Variants in POU6F2 observed in about 807,000 individuals in gnomAD.
POU6F2 encodes POU domain, class 6, transcription factor 2.
Under a neutral mutation model 71.3 loss-of-function variants are expected in POU6F2, and 31 were observed. That is an observed-to-expected ratio of 0.43 (90% CI 0.33 to 0.59). The LOEUF (loss-of-function observed/expected upper bound fraction) is 0.59, where lower values mean the gene tolerates loss of function less well. POU6F2 is among the 20% of genes least tolerant of loss of function. The probability of loss-of-function intolerance (pLI) is 0.04; values close to 1 mark genes in which losing one functional copy is unlikely to be tolerated. For missense variants in POU6F2, 783 were observed against 856.8 expected (o/e 0.91, Z 1.07); for synonymous variants, 347 against 355.7 (o/e 0.98, Z 0.27).
intron 1 of POU6F2, among the ~76,000 whole-genome samples, chr7:39,045,242 G>A (rs527645442): frequency 1.3e-5 from 2 of 152,074 alleles, no homozygotes; most frequent in South Asian, 4.1e-4. Context: ...CAGCACCTTA[G>A]TCAGCTTCAG....
intron 2 of POU6F2, among the ~76,000 whole-genome samples, chr7:39,105,488 T>C (rs1437394470): frequency 6.6e-6 from 1 of 152,048 alleles, no homozygotes; most frequent in Middle Eastern, 3.2e-3. Flanking sequence ...GTGTCTTGAA[T>C]TCTTGTAGAA....
chr7:39,276,532 C>G (rs1349180646), intron 4 of POU6F2, among the ~76,000 whole-genome samples: 1 of 151,064 alleles, frequency 6.6e-6, no homozygotes, highest in Non-Finnish European at 1.5e-5. Context: ...TACCATTTGA[C>G]CCAGCCATCC....
chr7:39,075,189 G>C (rs1049202008), intron 1 of POU6F2, among the ~76,000 whole-genome samples: 2 of 152,098 alleles, frequency 1.3e-5, no homozygotes, highest in Admixed American at 1.3e-4. Context: ...ACAGAAAATT[G>C]TCTTAGCAAT....
intron 2 of POU6F2, among the ~76,000 whole-genome samples, chr7:39,088,405 A>C (rs1791299788): frequency 6.6e-6 from 1 of 152,168 alleles, no homozygotes. Flanking sequence ...CTGTCCCAGA[A>C]TTTTTAGCAA....
chr7:39,173,431 G>A (rs1793265777), intron 2 of POU6F2, among the ~76,000 whole-genome samples: 1 of 152,212 alleles, frequency 6.6e-6, no homozygotes, highest in African/African-American at 2.4e-5. Context: ...ATTGGGTAGA[G>A]TTGCTGTAGA....
intron 4 of POU6F2, among the ~76,000 whole-genome samples, chr7:39,313,653 C>T (rs1785208033): frequency 1.3e-5 from 2 of 152,072 alleles, no homozygotes; most frequent in Admixed American, 1.3e-4. Context: ...AGGGTAATAG[C>T]AGTTAAACGG....
At chr7:39,223,592 A>G (rs1041044957) in intron 4 of POU6F2, among the ~76,000 whole-genome samples, 1 of 152,180 alleles carries the variant, frequency 6.6e-6, no homozygotes, top group Non-Finnish European at 1.5e-5. Flanking sequence ...CAGAGGACCT[A>G]AACAATCATC....
intron 2 of POU6F2, among the ~76,000 whole-genome samples, chr7:39,127,500 C>G (rs1792164218): frequency 6.6e-6 from 1 of 152,138 alleles, no homozygotes; most frequent in Non-Finnish European, 1.5e-5. Context: ...TACCAATGAG[C>G]TGACATCCTA....
At chr7:39,266,385 G>A (rs1222577403) in intron 4 of POU6F2, among the ~76,000 whole-genome samples, 1 of 152,158 alleles carries the variant, frequency 6.6e-6, no homozygotes, top group Admixed American at 6.5e-5. Context: ...TCCTGAATAA[G>A]CCAATTTCCC....
intron 4 of POU6F2, among the ~76,000 whole-genome samples, chr7:39,333,645 G>A (rs918436990): frequency 6.6e-6 from 1 of 152,208 alleles, no homozygotes; most frequent in African/African-American, 2.4e-5. Context: ...GGCTGAGGCA[G>A]GAGAATCGCT....
intron 4 of POU6F2, among the ~76,000 whole-genome samples, chr7:39,306,642 T>C (rs1785053611): frequency 6.6e-6 from 1 of 152,216 alleles, no homozygotes; most frequent in Non-Finnish European, 1.5e-5. Context: ...GTCTCACTTT[T>C]GGGGTCACTA....
intron 2 of POU6F2, among the ~76,000 whole-genome samples, chr7:39,089,224 G>A (rs769654767): frequency 5.3e-5 from 8 of 152,204 alleles, no homozygotes; most frequent in Non-Finnish European, 1.2e-4. Context: ...GAAACATGTG[G>A]TTAGGTAGTT....
intron 4 of POU6F2, among the ~76,000 whole-genome samples, chr7:39,317,025 G>GTTC (rs1212393733): frequency 6.6e-6 from 1 of 152,188 alleles, no homozygotes; most frequent in Non-Finnish European, 1.5e-5. Flanking sequence ...AGACTCTGAT[G>GTTC]TTCTTCCCAA....
At chr7:39,121,278 T>C (rs1199950755) in intron 2 of POU6F2, among the ~76,000 whole-genome samples, 1 of 152,230 alleles carries the variant, frequency 6.6e-6, no homozygotes, top group Admixed American at 6.5e-5. Flanking sequence ...GGAATGATAA[T>C]ATCTTCCTCA....
chr7:39,369,553 AG>A (rs1786567745), intron 5 of POU6F2, among the ~76,000 whole-genome samples: 1 of 151,900 alleles, frequency 6.6e-6, no homozygotes, highest in Non-Finnish European at 1.5e-5. Flanking sequence ...TTGTAGAGAC[AG>A]GGTTTCACCA....
intron 5 of POU6F2, among the ~76,000 whole-genome samples, chr7:39,403,511 C>G (rs920525793): frequency 1.3e-5 from 2 of 152,214 alleles, no homozygotes; most frequent in Non-Finnish European, 2.9e-5. Flanking sequence ...AGTGAAAGAT[C>G]TGAAGGCATA....
chr7:39,182,635 C>T (rs1224800649), intron 2 of POU6F2, among the ~76,000 whole-genome samples: 1 of 152,194 alleles, frequency 6.6e-6, no homozygotes, highest in Non-Finnish European at 1.5e-5. Context: ...GGATTCTTAT[C>T]TCACCTAATT....
Position 39,369,211 on chromosome 7 carries a change from G to C in POU6F2, c.972+29196G>C, listed in dbSNP as rs111327352. On this transcript the variant is annotated intron_variant, in intron 5 of 9. Transcript: ENST00000518318. Reference sequence around the variant, plus strand: ...AGCAGGGTTTGAGAGAAGTTCTACTGTGGGTAAAATTAAAAATTTCCACAG... The same window carrying C: ...AGCAGGGTTTGAGAGAAGTTCTACTCTGGGTAAAATTAAAAATTTCCACAG... Among the ~76,000 whole-genome samples the C allele has an allele frequency of 1.9e-3, 287 of 152,270 alleles. 2 individuals carry two copies. Among genetic ancestry groups the C allele is most frequent in the African/African-American group, 6.6e-3 (273 of 41,544 alleles).
chr7:39,064,699 A>C (rs953321418), intron 1 of POU6F2, among the ~76,000 whole-genome samples: 1 of 151,884 alleles, frequency 6.6e-6, no homozygotes. Flanking sequence ...ATATGACAGC[A>C]GACATCTTAG....
Sources: allele counts gnomAD v4.1 joint callset (sites outside exome capture counted in the v4.1 genomes callset), GRCh38; gene constraint gnomAD v4.1.1; transcripts MANE v1.5; gene names NCBI Gene and HGNC (gene_info 2026-07-23, HGNC 2026-07-21).